C1QTNF3: variants seen among roughly 807,000 people sequenced by gnomAD.
C1QTNF3 encodes the protein C1q and TNF related 3.
Under a neutral mutation model 32.6 loss-of-function variants are expected in C1QTNF3, and 26 were observed. That is an observed-to-expected ratio of 0.80 (90% CI 0.58 to 1.11). The LOEUF (loss-of-function observed/expected upper bound fraction) is 1.11, where lower values mean the gene tolerates loss of function less well. C1QTNF3 is among the 50% of genes least tolerant of loss of function. C1QTNF3 has a pLI of 0.00. For synonymous variants in C1QTNF3, 155 were observed against 146.0 expected, an observed-to-expected ratio of 1.06 and a Z score of -0.44; for missense variants, 362 against 398.2, an observed-to-expected ratio of 0.91 and a Z score of 0.77.
At chr5:34,076,990 G>C in the C1QTNF3 span, among the ~76,000 whole-genome samples, 1 of 151,726 alleles carries the variant, frequency 6.6e-6, no homozygotes, top group Non-Finnish European at 1.5e-5. Flanking sequence ...GAAGGTGGCT[G>C]GCAATGGGGT....
At chr5:34,189,155 G>A in the C1QTNF3 span, among the ~76,000 whole-genome samples, 4 of 150,178 alleles carry the variant, frequency 2.7e-5, no homozygotes, top group African/African-American at 7.4e-5. Flanking sequence ...CGTCCACCCC[G>A]ACCTCCCAAA....
the C1QTNF3 span, among the ~76,000 whole-genome samples, chr5:34,136,936 G>T: frequency 6.6e-6 from 1 of 151,640 alleles, no homozygotes; most frequent in Non-Finnish European, 1.5e-5. Flanking sequence ...TCATAGGTGG[G>T]AATTGAACAA....
chr5:34,210,555 G>T, the C1QTNF3 span, among the ~76,000 whole-genome samples: 3 of 150,378 alleles, frequency 2.0e-5, no homozygotes, highest in Non-Finnish European at 1.5e-5. Flanking sequence ...TTTTATTGGA[G>T]TTAAAACAAC....
At chr5:34,236,174 T>C in the C1QTNF3 span, among the ~76,000 whole-genome samples, 1 of 152,178 alleles carries the variant, frequency 6.6e-6, no homozygotes, top group South Asian at 2.1e-4. Context: ...ATATAAAGTA[T>C]ATAAGAATGA....
the C1QTNF3 span, among the ~76,000 whole-genome samples, chr5:34,077,159 A>T: frequency 3.3e-5 from 5 of 151,612 alleles, no homozygotes; most frequent in African/African-American, 1.2e-4. Flanking sequence ...AAGAAGAAAT[A>T]TTTTTCTTTC....
chr5:34,093,169 T>C, the C1QTNF3 span, among the ~76,000 whole-genome samples: 1 of 152,098 alleles, frequency 6.6e-6, no homozygotes, highest in Non-Finnish European at 1.5e-5. Context: ...ATAGCTACAA[T>C]ATATGTTTTG....
chr5:34,046,124 G>A (rs1205218900), upstream of C1QTNF3, among the ~76,000 whole-genome samples: 1 of 152,180 alleles, frequency 6.6e-6, no homozygotes, highest in Non-Finnish European at 1.5e-5. Flanking sequence ...AAATGACTCA[G>A]AAGCTTTCCA....
At chr5:34,200,929 CA>C in the C1QTNF3 span, 13 of 151,796 alleles carry the variant, frequency 8.6e-5, no homozygotes, top group African/African-American at 2.9e-4. Context: ...ATCCTACAGC[CA>C]AATCAGAAGA....
chr5:34,174,726 C>G, the C1QTNF3 span, among the ~76,000 whole-genome samples: 1 of 152,114 alleles, frequency 6.6e-6, no homozygotes, highest in African/African-American at 2.4e-5. Flanking sequence ...CGTGAGAGCA[C>G]AGATCTTATT....
intron 4 of C1QTNF3, 66 bp downstream of exon 4, chr5:34,028,688 T>C: frequency 7.2e-7 from 1 of 1,391,940 alleles, no homozygotes; most frequent in Non-Finnish European, 9.7e-7. Flanking sequence ...CTTCTTTCCT[T>C]CCTTCCTTAA....
the C1QTNF3 span, among the ~76,000 whole-genome samples, chr5:34,115,264 T>A: frequency 1.3e-5 from 2 of 152,214 alleles, no homozygotes; most frequent in Admixed American, 1.3e-4. Context: ...AAAAATTATA[T>A]CTTCATATCT....
At chr5:34,160,960 T>C in the C1QTNF3 span, among the ~76,000 whole-genome samples, 1 of 152,172 alleles carries the variant, frequency 6.6e-6, no homozygotes, top group Non-Finnish European at 1.5e-5. Context: ...TTTTTCTTAA[T>C]AAGAGTCTCA....
chr5:34,217,098 CA>C, the C1QTNF3 span, among the ~76,000 whole-genome samples: 3 of 151,922 alleles, frequency 2.0e-5, no homozygotes, highest in African/African-American at 7.3e-5. Context: ...GCAGTCTTGC[CA>C]AAAAGAATTG....
the C1QTNF3 span, among the ~76,000 whole-genome samples, chr5:34,095,023 G>T: frequency 6.6e-6 from 1 of 151,780 alleles, no homozygotes; most frequent in Non-Finnish European, 1.5e-5. Flanking sequence ...ATGCACATGT[G>T]TATAATGCAC....
chr5:34,103,963 T>C, the C1QTNF3 span, among the ~76,000 whole-genome samples: 3 of 151,590 alleles, frequency 2.0e-5, no homozygotes, highest in East Asian at 5.8e-4. Context: ...ATTGACTTGA[T>C]GTAATTTAAC....
the C1QTNF3 span, chr5:34,175,627 C>T: frequency 4.8e-5 from 24 of 498,106 alleles, no homozygotes; most frequent in African/African-American, 1.6e-4. Context: ...ATGTGGGAAG[C>T]GGGGACCTGA....
chr5:34,210,736 T>TA, the C1QTNF3 span, among the ~76,000 whole-genome samples: 1 of 152,150 alleles, frequency 6.6e-6, no homozygotes, highest in Non-Finnish European at 1.5e-5. Flanking sequence ...AGATTATACA[T>TA]AGAGTTTTTA....
At chr5:34,072,367 G>GAGAA in the C1QTNF3 span, among the ~76,000 whole-genome samples, 1 of 109,684 alleles carries the variant, frequency 9.1e-6, no homozygotes, top group Non-Finnish European at 1.9e-5. Flanking sequence ...AATTAAAAAA[G>GAGAA]AAAGAGAAAG....
chr5:34,070,205 G>A, the C1QTNF3 span, among the ~76,000 whole-genome samples: 22 of 152,080 alleles, frequency 1.4e-4, no homozygotes, highest in South Asian at 2.3e-3. Flanking sequence ...CTTCTATCTC[G>A]TTGGAGTGAA....
Sources: allele counts gnomAD v4.1 joint callset (sites outside exome capture counted in the v4.1 genomes callset), GRCh38; gene constraint gnomAD v4.1.1; transcripts MANE v1.5; gene names NCBI Gene and HGNC (gene_info 2026-07-23, HGNC 2026-07-21).